Variants in NFKBIZ observed in about 807,000 individuals in gnomAD.
The protein encoded by NFKBIZ is NF-kappa-B inhibitor zeta.
In NFKBIZ, 19 loss-of-function variants were observed where a neutral mutation model predicts 76.8. That is an observed-to-expected ratio of 0.25 (90% CI 0.17 to 0.36). NFKBIZ has a LOEUF of 0.36. Ranked by LOEUF, NFKBIZ falls within the 10% of genes least tolerant of loss-of-function variation. The pLI, the probability that NFKBIZ is intolerant of heterozygous loss-of-function variation, is 1.00. For missense variants in NFKBIZ, 829 were observed against 910.9 expected, an observed-to-expected ratio of 0.91 and a Z score of 1.16; for synonymous variants, 368 against 354.8, an observed-to-expected ratio of 1.04 and a Z score of -0.42.
chr3:101,849,374 G>GTACT (rs537605758), upstream of NFKBIZ: 45 of 342,622 alleles, frequency 1.3e-4, no homozygotes, highest in South Asian at 5.6e-3. Flanking sequence ...GCCTCATCCT[G>GTACT]TACATTTTAC....
rs1476240118 is a variant in NFKBIZ, at chr3:101,849,549, C to G, written c.-80C>G. ...GCGCCGTCCGCCCGCCGACAGCTCCCTGAGCCAGCCCGGGAGGCAGCCGCG... is the reference window on the plus strand; with the variant it reads ...GCGCCGTCCGCCCGCCGACAGCTCCGTGAGCCAGCCCGGGAGGCAGCCGCG... On this transcript the variant is annotated 5_prime_UTR_variant, in exon 1 of 12. Coordinates refer to ENST00000326172, the MANE Select transcript of NFKBIZ (RefSeq NM_031419.4). 1.6e-6 allele frequency: 2 copies of G among 1,241,620 alleles called. No individual in the cohort carries two copies. Among genetic ancestry groups the G allele is most frequent in the African/African-American group, 1.6e-5 (1 of 63,308 alleles). 76.9% of individuals were successfully genotyped at this position (1,241,620 alleles called of 1,614,324 possible).
chr3:101,840,908 T>C (rs1342828885), intron 2 of NFKBIZ, among the ~76,000 whole-genome samples: 1 of 152,198 alleles, frequency 6.6e-6, no homozygotes, highest in Non-Finnish European at 1.5e-5. Flanking sequence ...CCTTTGATGC[T>C]TTCATATAAA....
At chr3:101,845,990 T>C (rs1942845001), upstream of NFKBIZ, among the ~76,000 whole-genome samples, 3 of 152,252 alleles carry the variant, frequency 2.0e-5, no homozygotes, top group Admixed American at 2.0e-4. Flanking sequence ...TTGCTTTCGA[T>C]GGAGCAGTGT....
upstream of NFKBIZ, among the ~76,000 whole-genome samples, chr3:101,845,324 T>C (rs369212385): frequency 9.7e-4 from 145 of 150,054 alleles, 1 homozygote; most frequent in Admixed American, 4.6e-3. Context: ...GACAAGGTCT[T>C]GCTCTGTCAC....
chr3:101,845,528 T>G (rs1290056996), upstream of NFKBIZ, among the ~76,000 whole-genome samples: 1 of 152,094 alleles, frequency 6.6e-6, no homozygotes, highest in Non-Finnish European at 1.5e-5. Flanking sequence ...CTTGAACTTC[T>G]GGGCTCAAGC....
chr3:101,850,437 G>A (rs1314911143), intron 1 of NFKBIZ: 7 of 152,338 alleles, frequency 4.6e-5, no homozygotes, highest in Admixed American at 1.3e-4. Context: ...GTGAAGCCGG[G>A]CTGAAAACCA....
At chr3:101,854,095 A>G (rs1192061928) in intron 5 of NFKBIZ, among the ~76,000 whole-genome samples, 1 of 152,240 alleles carries the variant, frequency 6.6e-6, no homozygotes, top group African/African-American at 2.4e-5. Flanking sequence ...TGATAAAAAT[A>G]TCTGTATCTT....
intron 4 of NFKBIZ, 39 bp downstream of exon 4, chr3:101,853,028 A>G: frequency 6.2e-7 from 1 of 1,613,016 alleles, no homozygotes; most frequent in Non-Finnish European, 8.5e-7. Flanking sequence ...ATCCTTTGGA[A>G]ATTATTCCTG....
chr3:101,855,228 G>A lies in NFKBIZ; in HGVS notation c.1590+20G>A. 6.2e-7 allele frequency: 1 copy of A among 1,602,424 alleles called. No homozygotes were observed. The highest frequency in any genetic ancestry group is 8.5e-7 in the Non-Finnish European group (1 of 1,174,272). ...CTTCAGGTAAGAGGCAGCAAACCAG[G>A]CTTCCATCATTGCAAGGCCAGAGAG... On this transcript the variant is annotated intron_variant, in intron 7 of 11. Coordinates refer to ENST00000326172, the MANE Select transcript of NFKBIZ (RefSeq NM_031419.4).
At chr3:101,854,463 T>A in intron 5 of NFKBIZ, 115 bp from the exon 6 acceptor site, 2 of 639,968 alleles carry the variant, frequency 3.1e-6, no homozygotes, top group South Asian at 4.0e-5. Context: ...AATGTTTCAT[T>A]TGAGTGTACC....
At chr3:101,851,659 C>T (rs903609518) in intron 1 of NFKBIZ, among the ~76,000 whole-genome samples, 16 of 152,188 alleles carry the variant, frequency 1.1e-4, no homozygotes, top group Admixed American at 5.9e-4. Flanking sequence ...ACTTGCTCCC[C>T]AAAGTTTTTC....
intron 1 of NFKBIZ, among the ~76,000 whole-genome samples, chr3:101,851,876 C>T (rs1942970619): frequency 6.6e-6 from 1 of 152,158 alleles, no homozygotes; most frequent in Non-Finnish European, 1.5e-5. Flanking sequence ...TTAGGGTACC[C>T]AGTGGAGAAA....
chr3:101,849,828 C>T lies in NFKBIZ; in HGVS notation c.200C>T (p.Ser67Phe). 2 of 1,474,194 alleles carry T rather than the reference C, an allele frequency of 1.4e-6. No homozygotes were observed. The highest frequency in any genetic ancestry group is 8.9e-7 in the Non-Finnish European group (1 of 1,120,334). The allele number at this position is 1,474,194 out of a possible 1,614,324, so 91.3% of individuals were successfully genotyped here. A position where few individuals can be genotyped will look rare whatever the true frequency, so the allele number is the denominator to read the frequency against. Residue 67 changes from serine (S) to phenylalanine (F), a missense_variant, in exon 1 of 12, where the codon TCC becomes TTC. By Grantham distance (155) the Ser-to-Phe change is radical (BLOSUM62 -2). Around this residue, in one of 4 missense-constraint regions of NFKBIZ, gnomAD observed 181 missense variants for 175.3 expected, o/e 1.03. Coordinates refer to ENST00000326172, the MANE Select transcript of NFKBIZ (RefSeq NM_031419.4). ...GCGCCCGGCTCGCCCGGCTCCGACT[C>T]CTCCGACTTCTCCTCTGCCTCGTCG... ...PSAPGSPGSD[S>F]SDFSSASSVS...
At chr3:101,835,153 C>G (rs1942701616) in intron 2 of NFKBIZ, among the ~76,000 whole-genome samples, 1 of 152,094 alleles carries the variant, frequency 6.6e-6, no homozygotes, top group Non-Finnish European at 1.5e-5. Context: ...AGTTAATATA[C>G]CCATTTTATG....
intron 2 of NFKBIZ, among the ~76,000 whole-genome samples, chr3:101,834,731 T>G (rs555555250): frequency 3.3e-5 from 5 of 152,226 alleles, no homozygotes; most frequent in African/African-American, 1.2e-4. Flanking sequence ...ACAGTTCCCC[T>G]CTTTCCATGC....
chr3:101,852,292 A>G (rs999856663), intron 2 of NFKBIZ, 68 bp downstream of exon 2: 1 of 1,553,278 alleles, frequency 6.4e-7, no homozygotes, highest in African/African-American at 1.4e-5. Flanking sequence ...GGTTATTATG[A>G]TGACCTAGGT....
intron 2 of NFKBIZ, among the ~76,000 whole-genome samples, chr3:101,834,388 TCTCA>T (rs146793905): frequency 0.016 from 2,388 of 151,988 alleles, 70 homozygotes; most frequent in African/African-American, 0.055. Context: ...TCCTTTCCTG[TCTCA>T]CTCTGTTACC....
At chr3:101,831,038 CT>C (rs1214160624) in intron 2 of NFKBIZ, among the ~76,000 whole-genome samples, 1 of 152,170 alleles carries the variant, frequency 6.6e-6, no homozygotes, top group Non-Finnish European at 1.5e-5. Context: ...CATGCAGGCA[CT>C]TTTAATATTG....
At chr3:101,847,432 CAAGG>C (rs1942867591), upstream of NFKBIZ, among the ~76,000 whole-genome samples, 1 of 152,198 alleles carries the variant, frequency 6.6e-6, no homozygotes, top group Non-Finnish European at 1.5e-5. Flanking sequence ...TTGTGAGAAA[CAAGG>C]AAATACAGTC....
Sources: allele counts gnomAD v4.1 joint callset (sites outside exome capture counted in the v4.1 genomes callset), GRCh38; gene constraint gnomAD v4.1.1; regional missense constraint gnomAD v4.1.1; transcripts MANE v1.5; gene names NCBI Gene and HGNC (gene_info 2026-07-23, HGNC 2026-07-21).